ELAVL4: variants seen among roughly 807,000 people sequenced by gnomAD.
ELAVL4 encodes the protein ELAV-like protein 4.
A neutral mutation model predicts 35.6 loss-of-function variants in ELAVL4; 1 was observed. The observed-to-expected ratio is 0.03, with a 90% CI of 0.01 to 0.13. ELAVL4 has a LOEUF of 0.13. ELAVL4 is among the 10% of genes least tolerant of loss of function. The pLI is 1.00. For synonymous variants in ELAVL4, 156 were observed against 171.0 expected (o/e 0.91, Z 0.69); for missense variants, 267 against 464.9 (o/e 0.57, Z 3.91).
At chr1:50,181,217 G>A (rs1680969178) in intron 3 of ELAVL4, 1 of 152,196 alleles carries the variant, frequency 6.6e-6, no homozygotes, top group South Asian at 2.1e-4. Flanking sequence ...ATTCTGTGAG[G>A]GTGTGTGGGT....
chr1:50,112,249 T>G (rs1034776956), intron 1 of ELAVL4, among the ~76,000 whole-genome samples: 3 of 152,084 alleles, frequency 2.0e-5, no homozygotes, highest in African/African-American at 7.2e-5. Context: ...TTTAAAAAAA[T>G]AGAATTTTTT....
chr1:50,109,019 C>CGGGGGGGGGG lies in ELAVL4; in HGVS notation c.-171_-170insGGGGGGGGGG. 1.5e-5 allele frequency: 8 copies of CGGGGGGGGGG among 531,376 alleles called. No homozygotes were observed. Among genetic ancestry groups the CGGGGGGGGGG allele is most frequent in the Non-Finnish European group, 1.6e-5 (7 of 427,104 alleles). The allele number at this position is 531,376 out of a possible 1,614,324, so 32.9% of individuals were successfully genotyped here. ...CTTTTCTTTTTTTTCTTTCTCTCCC[C>CGGGGGGGGGG]CGCCCACCCCCCCAAAAATAATTGA... On this transcript the variant is annotated 5_prime_UTR_variant, in exon 1 of 7. Transcript: ENST00000371824.
intron 1 of ELAVL4, chr1:50,109,941 A>T: frequency 6.2e-7 from 1 of 1,612,284 alleles, no homozygotes; most frequent in African/African-American, 1.3e-5. Context: ...CTGATCACAG[A>T]TGGAGTGGAA....
intron 2 of ELAVL4, among the ~76,000 whole-genome samples, chr1:50,158,620 C>T (rs1457166957): frequency 1.3e-5 from 2 of 152,164 alleles, no homozygotes; most frequent in African/African-American, 4.8e-5. Flanking sequence ...AATGTGTCTT[C>T]AGATGTCTGA....
intron 1 of ELAVL4, among the ~76,000 whole-genome samples, chr1:50,094,924 CA>C (rs1414049880): frequency 6.6e-6 from 1 of 151,668 alleles, no homozygotes; most frequent in Non-Finnish European, 1.5e-5. Context: ...AGTGAGACTC[CA>C]TCTCAAAAAT....
At chr1:50,097,501 G>A (rs906671941) in intron 1 of ELAVL4, among the ~76,000 whole-genome samples, 1 of 152,180 alleles carries the variant, frequency 6.6e-6, no homozygotes, top group Non-Finnish European at 1.5e-5. Flanking sequence ...ACTCAAGAAG[G>A]TTCTGGTCCA....
intron 1 of ELAVL4, among the ~76,000 whole-genome samples, chr1:50,087,967 C>T (rs1407697628): frequency 6.6e-6 from 1 of 152,226 alleles, no homozygotes; most frequent in Non-Finnish European, 1.5e-5. Flanking sequence ...TTTATTGCCT[C>T]ACTAAATTCT....
At chr1:50,096,498 A>G (rs1368110712) in intron 1 of ELAVL4, among the ~76,000 whole-genome samples, 2 of 151,306 alleles carry the variant, frequency 1.3e-5, no homozygotes, top group Admixed American at 6.6e-5. Context: ...TGGAGGTATC[A>G]GGAAACTTAA....
chr1:50,195,443 C>A, intron 4 of ELAVL4, 118 bp from the exon 5 acceptor site: 1 of 1,095,632 alleles, frequency 9.1e-7, no homozygotes, highest in Non-Finnish European at 1.4e-6. Flanking sequence ...CTGGGCTCAG[C>A]CCTGGCACCA....
chr1:50,153,638 G>A (rs771792253), intron 2 of ELAVL4, among the ~76,000 whole-genome samples: 1 of 152,180 alleles, frequency 6.6e-6, no homozygotes, highest in African/African-American at 2.4e-5. Context: ...TTAGATTGTA[G>A]GAGACCAGTC....
At chr1:50,105,305 C>A (rs1666213699), upstream of ELAVL4, among the ~76,000 whole-genome samples, 1 of 152,134 alleles carries the variant, frequency 6.6e-6, no homozygotes, top group Non-Finnish European at 1.5e-5. Context: ...TTTTGGCCTT[C>A]CCCATTGCTC....
chr1:50,191,314 C>T (rs1682630009), intron 3 of ELAVL4, among the ~76,000 whole-genome samples: 1 of 152,124 alleles, frequency 6.6e-6, no homozygotes, highest in African/African-American at 2.4e-5. Context: ...TCTTTCAGTC[C>T]TTCCAGCCCC....
Position 50,109,041 on chromosome 1 carries a change from T to G in ELAVL4, c.-149T>G. The G allele has an allele frequency of 1.5e-5, 2 of 135,000 alleles. No homozygotes were observed. The highest frequency in any genetic ancestry group is 2.0e-5 in the Non-Finnish European group (2 of 102,030). 8.4% of individuals were successfully genotyped at this position (135,000 alleles called of 1,614,324 possible). ...CCCCCGCCCACCCCCCCAAAAATAATTGATTTGCTTTACAATCATCCACAC... is the reference window on the plus strand; with the variant it reads ...CCCCCGCCCACCCCCCCAAAAATAAGTGATTTGCTTTACAATCATCCACAC... On this transcript the variant is annotated 5_prime_UTR_variant, in exon 1 of 7. Coordinates refer to ENST00000371824, the MANE Select transcript of ELAVL4 (RefSeq NM_001144774.3).
intron 3 of ELAVL4, among the ~76,000 whole-genome samples, chr1:50,188,152 C>A (rs1682116157): frequency 1.3e-5 from 2 of 152,112 alleles, no homozygotes; most frequent in Admixed American, 1.3e-4. Context: ...AGGTGGTGAG[C>A]TTCCTGTCCT....
chr1:50,095,732 C>T (rs1353713175), intron 1 of ELAVL4, among the ~76,000 whole-genome samples: 1 of 152,170 alleles, frequency 6.6e-6, no homozygotes, highest in Non-Finnish European at 1.5e-5. Flanking sequence ...CCATCCAGAC[C>T]TATTGGAGTT....
At chr1:50,166,037 G>A (rs1204837683) in intron 2 of ELAVL4, among the ~76,000 whole-genome samples, 2 of 151,896 alleles carry the variant, frequency 1.3e-5, no homozygotes, top group Non-Finnish European at 2.9e-5. Flanking sequence ...TCCTTTTCAC[G>A]TTTTTCTGCC....
intron 1 of ELAVL4, among the ~76,000 whole-genome samples, chr1:50,090,157 G>T (rs548356727): frequency 6.6e-6 from 1 of 152,268 alleles, no homozygotes; most frequent in Non-Finnish European, 1.5e-5. Flanking sequence ...CAGAGGTTAT[G>T]TATGACAACT....
chr1:50,109,832 T>C, intron 1 of ELAVL4: 1 of 1,451,238 alleles, frequency 6.9e-7, no homozygotes, highest in Non-Finnish European at 9.5e-7. Flanking sequence ...GTTGAGTTGT[T>C]GCTTCCTTCT....
intron 1 of ELAVL4, among the ~76,000 whole-genome samples, chr1:50,091,828 A>T (rs1296340099): frequency 1.3e-5 from 2 of 152,210 alleles, no homozygotes; most frequent in African/African-American, 4.8e-5. Context: ...TAGGGATGTC[A>T]TGTTTTATCC....
Sources: allele counts gnomAD v4.1 joint callset (sites outside exome capture counted in the v4.1 genomes callset), GRCh38; gene constraint gnomAD v4.1.1; transcripts MANE v1.5; gene names NCBI Gene and HGNC (gene_info 2026-07-23, HGNC 2026-07-21).